The following CRYBG3 variants were observed in gnomAD, a reference collection of about 807,000 sequenced individuals.
CRYBG3 encodes the protein very large A-kinase anchor protein.
In CRYBG3, 127 loss-of-function variants were observed where a neutral mutation model predicts 244.2. The ratio of observed to expected loss-of-function variants is 0.52; its 90% CI spans 0.45 to 0.60. The LOEUF is 0.60. CRYBG3 is among the 20% of genes least tolerant of loss of function. CRYBG3 has a pLI of 0.00. For missense variants in CRYBG3, 3,325 were observed against 3,442.5 expected (o/e 0.97, Z 0.85); for synonymous variants, 1,132 against 1,195.8 (o/e 0.95, Z 1.10).
intron 17 of CRYBG3, among the ~76,000 whole-genome samples, chr3:97,928,772 A>G (rs1324353377): frequency 6.6e-6 from 1 of 151,994 alleles, no homozygotes; most frequent in Non-Finnish European, 1.5e-5. Context: ...ATTGGGTAGT[A>G]TTATAAATAG....
chr3:97,856,849 C>T (rs560507110), intron 2 of CRYBG3, among the ~76,000 whole-genome samples: 28 of 151,854 alleles, frequency 1.8e-4, no homozygotes, highest in African/African-American at 6.0e-4. Context: ...TATAAAAAAC[C>T]GACTTTATGT....
At chr3:97,895,827 G>T in intron 11 of CRYBG3, 132 bp from the exon 12 acceptor site, 1 of 733,222 alleles carries the variant, frequency 1.4e-6, no homozygotes. Context: ...CTTTATAAAT[G>T]AAACAAAACT....
intron 15 of CRYBG3, among the ~76,000 whole-genome samples, chr3:97,901,798 G>A (rs967846849): frequency 6.6e-6 from 1 of 152,086 alleles, no homozygotes; most frequent in Non-Finnish European, 1.5e-5. Context: ...GCAGATTGCT[G>A]GGAGGATTTT....
chr3:97,842,373 G>A (rs140811225), intron 1 of CRYBG3, among the ~76,000 whole-genome samples: 1 of 151,926 alleles, frequency 6.6e-6, no homozygotes, highest in Non-Finnish European at 1.5e-5. Flanking sequence ...GACCAGCCTG[G>A]GCAACATAGT....
intron 3 of CRYBG3, among the ~76,000 whole-genome samples, chr3:97,870,189 T>G (rs1040044639): frequency 6.6e-6 from 1 of 152,130 alleles, no homozygotes; most frequent in Admixed American, 6.5e-5. Flanking sequence ...GTTTATTACA[T>G]GGAGATAAAT....
intron 2 of CRYBG3, among the ~76,000 whole-genome samples, chr3:97,861,018 C>G (rs963217784): frequency 2.0e-5 from 3 of 151,878 alleles, no homozygotes; most frequent in African/African-American, 7.3e-5. Flanking sequence ...TTTCACCTCC[C>G]TTTCTATTCT....
At chr3:97,930,363 A>G (rs1304128184) in intron 17 of CRYBG3, among the ~76,000 whole-genome samples, 3 of 152,054 alleles carry the variant, frequency 2.0e-5, no homozygotes, top group Admixed American at 6.6e-5. Context: ...AAATCCACCA[A>G]TATAGTCAGG....
chr3:97,926,901 G>A (rs754744782), intron 17 of CRYBG3, among the ~76,000 whole-genome samples: 1 of 151,900 alleles, frequency 6.6e-6, no homozygotes, highest in African/African-American at 2.4e-5. Context: ...ACAGAACACT[G>A]CTGAAAGAAC....
At chr3:97,827,229 G>A (rs2038590192) in intron 1 of CRYBG3, among the ~76,000 whole-genome samples, 1 of 152,156 alleles carries the variant, frequency 6.6e-6, no homozygotes, top group Non-Finnish European at 1.5e-5. Context: ...CCCAAGGTCA[G>A]GGGCTTTGTC....
At chr3:97,885,712 A>G (rs879293420) in intron 7 of CRYBG3, among the ~76,000 whole-genome samples, 4 of 152,202 alleles carry the variant, frequency 2.6e-5, no homozygotes, top group Non-Finnish European at 4.4e-5. Context: ...AGATAGCATG[A>G]AGACCAATAT....
In CRYBG3 at chr3:97,876,620, A is replaced by G. The variant is rs2039375899; in HGVS notation, c.5426A>G (p.Lys1809Arg). The G allele has an allele frequency of 4.9e-6, 6 of 1,234,274 alleles. No individual in the cohort carries two copies. Among genetic ancestry groups the G allele is most frequent in the Non-Finnish European group, 6.1e-6 (6 of 989,498 alleles). 76.5% of individuals were successfully genotyped at this position (1,234,274 alleles called of 1,614,324 possible). Residue 1809 changes from lysine to arginine, a missense_variant, in exon 4 of 22, where the codon AAG (lysine) becomes AGG (arginine). Lys to Arg is a conservative substitution (Grantham distance 26). Transcript: ENST00000389622. ...TEIVPCVLKV[K>R]EAHETAPAPL... ...ATAGTACCGTGTGTGTTAAAAGTGA[A>G]GGAAGCACACGAGACAGCACCTGCC...
chr3:97,931,057 C>A (rs934037036), intron 17 of CRYBG3, among the ~76,000 whole-genome samples: 4 of 152,038 alleles, frequency 2.6e-5, no homozygotes, highest in African/African-American at 9.7e-5. Context: ...CCACTAACGC[C>A]TTCCACAAAG....
intron 1 of CRYBG3, among the ~76,000 whole-genome samples, chr3:97,828,668 A>T (rs1044409005): frequency 2.6e-5 from 4 of 151,926 alleles, no homozygotes; most frequent in African/African-American, 9.7e-5. Context: ...CTCTACTAAA[A>T]TACAAAAAAA....
At chr3:97,871,672 TTTA>T (rs1337073192) in intron 3 of CRYBG3, among the ~76,000 whole-genome samples, 167 bp from the exon 4 acceptor site, 1 of 152,236 alleles carries the variant, frequency 6.6e-6, no homozygotes, top group Non-Finnish European at 1.5e-5. Context: ...TTGTTAAATT[TTTA>T]TTATTTTTAA....
chr3:97,824,696 C>A (rs764600864), intron 1 of CRYBG3, among the ~76,000 whole-genome samples: 5 of 152,132 alleles, frequency 3.3e-5, no homozygotes, highest in Non-Finnish European at 7.4e-5. Context: ...TATTGTATAT[C>A]CCAACTTAGG....
chr3:97,876,950 T>C lies in CRYBG3; in HGVS notation c.5756T>C (p.Ile1919Thr), dbSNP rs1193507227. 1 of 1,499,304 alleles carries C rather than the reference T, an allele frequency of 6.7e-7. No homozygotes were observed. The highest frequency in any genetic ancestry group is 8.9e-7 in the Non-Finnish European group (1 of 1,126,642). 92.9% of individuals were successfully genotyped at this position (1,499,304 alleles called of 1,614,324 possible). A position where few individuals can be genotyped will look rare whatever the true frequency, so the allele number is the denominator to read the frequency against. The change falls in exon 4 of 22, where the codon ATA (isoleucine) becomes ACA (threonine). Residue 1919 changes from isoleucine (I) to threonine (T), a missense_variant. Coordinates refer to ENST00000389622, the MANE Select transcript of CRYBG3 (RefSeq NM_153605.4). Reference protein sequence around the residue: ...EEPTEIKEGLIAHENRLPTYF... With the variant: ...EEPTEIKEGLTAHENRLPTYF... Reference sequence around the variant, plus strand: ...CCTACAGAAATAAAGGAAGGCTTGATAGCACATGAAAATAGACTTCCTACA... The same window carrying C: ...CCTACAGAAATAAAGGAAGGCTTGACAGCACATGAAAATAGACTTCCTACA...
chr3:97,883,231 T>A (rs2039470285), intron 7 of CRYBG3, among the ~76,000 whole-genome samples: 1 of 152,144 alleles, frequency 6.6e-6, no homozygotes, highest in Non-Finnish European at 1.5e-5. Flanking sequence ...ATGGCTGAAG[T>A]GGAGAGAGCA....
chr3:97,886,914 A>C, intron 8 of CRYBG3, 147 bp downstream of exon 8: 1 of 633,066 alleles, frequency 1.6e-6, no homozygotes, highest in Non-Finnish European at 2.6e-6. Flanking sequence ...GATTCTTTGG[A>C]TCTAATTAGA....
At chr3:97,848,655 G>C (rs2038938452) in intron 2 of CRYBG3, among the ~76,000 whole-genome samples, 1 of 152,078 alleles carries the variant, frequency 6.6e-6, no homozygotes, top group Non-Finnish European at 1.5e-5. Flanking sequence ...CAAACTCCTG[G>C]GCTCAAGCAA....
Sources: gnomAD v4.1 joint callset for allele counts (sites outside exome capture counted in the v4.1 genomes callset) on GRCh38, gnomAD v4.1.1 for gene constraint, MANE v1.5 for transcripts, NCBI Gene and HGNC (gene_info 2026-07-23, HGNC 2026-07-21) for gene names.